The following IL6ST variants were observed in gnomAD, a reference collection of about 807,000 sequenced individuals.
IL6ST encodes interleukin 6 cytokine family signal transducer, also known as interleukin-6 receptor subunit beta.
In IL6ST, 24 loss-of-function variants were observed where a neutral mutation model predicts 91.3. The observed-to-expected ratio is 0.26, with a 90% CI of 0.19 to 0.37. The LOEUF (loss-of-function observed/expected upper bound fraction) is 0.37, where lower values mean the gene tolerates loss of function less well. Among genes scored for constraint, IL6ST ranks in the 10% least tolerant of loss-of-function variants. The probability of loss-of-function intolerance (pLI) is 1.00; values close to 1 mark genes in which losing one functional copy is unlikely to be tolerated. For synonymous variants in IL6ST, 351 were observed against 373.6 expected (o/e 0.94, Z 0.70); for missense variants, 914 against 1,078.5 (o/e 0.85, Z 2.14).
At chr5:55,951,281 A>G (rs1352480501) in intron 14 of IL6ST, among the ~76,000 whole-genome samples, 183 bp downstream of exon 14, 1 of 152,260 alleles carries the variant, frequency 6.6e-6, no homozygotes, top group African/African-American at 2.4e-5. Context: ...GAAGCAGTTA[A>G]TAAAATACCA....
chr5:55,942,365 C>G (rs1009663037), intron 16 of IL6ST, among the ~76,000 whole-genome samples: 1 of 152,168 alleles, frequency 6.6e-6, no homozygotes. Flanking sequence ...ATAGCAGTTT[C>G]AGCACCTCAA....
chr5:55,967,952 T>C (rs998884074), intron 5 of IL6ST, among the ~76,000 whole-genome samples: 27 of 152,138 alleles, frequency 1.8e-4, no homozygotes, highest in Middle Eastern at 3.4e-3. Flanking sequence ...CCCGCCACCA[T>C]GCCTGGCTAA....
intron 2 of IL6ST, among the ~76,000 whole-genome samples, chr5:55,977,563 C>T (rs1036267820): frequency 3.3e-5 from 5 of 151,986 alleles, no homozygotes; most frequent in South Asian, 2.1e-4. Context: ...CGATGGCTCA[C>T]GCCTGTAATC....
At chr5:55,967,960 TA>T (rs1391448680) in intron 5 of IL6ST, among the ~76,000 whole-genome samples, 1 of 152,084 alleles carries the variant, frequency 6.6e-6, no homozygotes, top group East Asian at 1.9e-4. Flanking sequence ...CATGCCTGGC[TA>T]ATTTTTGTAG....
chr5:55,936,341 GTT>G lies in IL6ST; in HGVS notation c.*4739_*4740del, dbSNP rs57970223. 0.029 allele frequency: 4,279 copies of G among 146,900 alleles called. 4 individuals are homozygous for G. The highest frequency in any genetic ancestry group is 0.071 in the East Asian group (646 of 9,078). The allele number at this position is 146,900 out of a possible 1,614,324, so 9.1% of individuals were successfully genotyped here. ...ACTTGGGCTCTTGACAACCAAGTAG[GTT>G]TTTTTTTTTTTTTTTTTTTTTAATG... On this transcript the variant is annotated 3_prime_UTR_variant, in exon 17 of 17. Transcript: ENST00000381298.
chr5:55,945,602 G>GA (rs1176997740), intron 15 of IL6ST, among the ~76,000 whole-genome samples: 3 of 82,986 alleles, frequency 3.6e-5, no homozygotes, highest in Non-Finnish European at 4.9e-5. Context: ...AGGAACCACA[G>GA]AAAAAAAACT....
At chr5:55,958,542 A>C (rs1241645823) in intron 8 of IL6ST, among the ~76,000 whole-genome samples, 1 of 152,144 alleles carries the variant, frequency 6.6e-6, no homozygotes, top group Non-Finnish European at 1.5e-5. Context: ...AGTTGAATAA[A>C]ATCTAAGCAG....
intron 1 of IL6ST, among the ~76,000 whole-genome samples, chr5:55,991,086 T>C (rs1385646310): frequency 6.6e-6 from 1 of 152,222 alleles, no homozygotes; most frequent in Non-Finnish European, 1.5e-5. Flanking sequence ...TTTTTACGGC[T>C]GCATAGTATT....
intron 3 of IL6ST, 52 bp downstream of exon 3, chr5:55,976,163 T>TA: frequency 1.2e-6 from 1 of 801,202 alleles, no homozygotes. Flanking sequence ...AATATAAAAA[T>TA]ATATAAACCT....
At chr5:55,975,202 T>C (rs1753214178) in intron 3 of IL6ST, among the ~76,000 whole-genome samples, 1 of 152,124 alleles carries the variant, frequency 6.6e-6, no homozygotes. Context: ...AGGTGGGGCC[T>C]GGTGGAGAGG....
intron 3 of IL6ST, among the ~76,000 whole-genome samples, chr5:55,974,217 T>C (rs1321043062): frequency 6.6e-6 from 1 of 152,258 alleles, no homozygotes; most frequent in Non-Finnish European, 1.5e-5. Flanking sequence ...ATAAAGAAAC[T>C]TTTATTCAAA....
chr5:55,963,432 T>C lies in IL6ST; in HGVS notation c.733A>G (p.Thr245Ala). ...ATAACACTCTTAATACTTGGGTTGG[T>C]CCATGTCAATTTTAAGATACTAGAC... ...ELSSILKLTWTNPSIKSVIIL... is the reference protein window; with the variant it reads ...ELSSILKLTWANPSIKSVIIL... The change falls in exon 7 of 17, where the codon ACC (threonine) becomes GCC (alanine). Residue 245 changes from threonine (T) to alanine (A), a missense_variant. Coordinates refer to ENST00000381298, the MANE Select transcript of IL6ST (RefSeq NM_002184.4). 1 of 1,605,098 alleles carries C rather than the reference T, an allele frequency of 6.2e-7. No homozygotes were observed.
intron 9 of IL6ST, 129 bp downstream of exon 9, chr5:55,957,080 C>T: frequency 2.1e-6 from 1 of 475,606 alleles, no homozygotes; most frequent in African/African-American, 2.1e-5. Context: ...ATCACTTGAA[C>T]CTGGGAGGCA....
At chr5:55,973,121 T>A (rs1753062596) in intron 3 of IL6ST, among the ~76,000 whole-genome samples, 1 of 152,182 alleles carries the variant, frequency 6.6e-6, no homozygotes, top group African/African-American at 2.4e-5. Context: ...AATTTATATT[T>A]GATTACCCAT....
rs759639745 is a variant in IL6ST, at chr5:55,951,918, A to C, written c.1699+11T>G. 7.3e-7 allele frequency: 1 copy of C among 1,369,432 alleles called. No homozygotes were observed. The highest frequency in any genetic ancestry group is 2.3e-5 in the East Asian group (1 of 43,452). 84.8% of individuals were successfully genotyped at this position (1,369,432 alleles called of 1,614,324 possible). ...ATAACTGATTCTTAATAACTGATAC[A>C]GTTTTATTACCAGTTTCATTTCCAA... On this transcript the variant is annotated intron_variant, in intron 13 of 16. Transcript: ENST00000381298.
rs545442031 is a variant in IL6ST, at chr5:55,955,488, C to T, written c.1268-496G>A. 2.6e-5 allele frequency among the ~76,000 whole-genome samples: 4 copies of T among 152,274 alleles called. No individual in the cohort carries two copies. The South Asian group carries it at 6.2e-4, about 24-fold the overall frequency. ...TTGCTTTCCCTAAATTCTTCAAATG[C>T]TTTCGGTTTGTAATTGCAATTTTTC... On this transcript the variant is annotated intron_variant, in intron 10 of 16. Transcript: ENST00000381298.
chr5:55,969,864 G>T lies in IL6ST; in HGVS notation c.65-9C>A. The stretch of plus-strand genomic sequence containing the variant: ...TGGATCTAGAAGTTCACCTAAAAAG[G>T]AACAATAGAAAATATATAAATGGAC... On this transcript the variant is annotated splice_polypyrimidine_tract_variant and intron_variant, in intron 3 of 16. Coordinates refer to ENST00000381298, the MANE Select transcript of IL6ST (RefSeq NM_002184.4). 2 of 1,554,190 alleles carry T rather than the reference G, an allele frequency of 1.3e-6. No homozygotes were observed. Among genetic ancestry groups the T allele is most frequent in the South Asian group, 2.3e-5 (2 of 85,850 alleles).
chr5:55,952,630 G>A (rs933320202), intron 11 of IL6ST, among the ~76,000 whole-genome samples: 1 of 152,110 alleles, frequency 6.6e-6, no homozygotes, highest in African/African-American at 2.4e-5. Context: ...AATTACTCTG[G>A]ATTTTATAGA....
At chr5:55,942,410 A>G (rs1750975558) in intron 16 of IL6ST, among the ~76,000 whole-genome samples, 1 of 152,204 alleles carries the variant, frequency 6.6e-6, no homozygotes, top group South Asian at 2.1e-4. Context: ...AACATCTGTA[A>G]TGTGTACTAA....
Sources: gnomAD v4.1 joint callset for allele counts (sites outside exome capture counted in the v4.1 genomes callset) on GRCh38, gnomAD v4.1.1 for gene constraint, MANE v1.5 for transcripts, NCBI Gene and HGNC (gene_info 2026-07-23, HGNC 2026-07-21) for gene names.